Variants in BMERB1 observed in about 807,000 individuals in gnomAD.
BMERB1 encodes bMERB domain-containing protein 1.
In BMERB1, 12 loss-of-function variants were observed where a neutral mutation model predicts 23.6. The ratio of observed to expected loss-of-function variants is 0.51; its 90% CI spans 0.33 to 0.82. The LOEUF is 0.82. BMERB1 is among the 40% of genes least tolerant of loss of function. The pLI, the probability that BMERB1 is intolerant of heterozygous loss-of-function variation, is 0.03. For synonymous variants in BMERB1, 122 were observed against 96.6 expected (o/e 1.26, Z -1.54); for missense variants, 247 against 255.4 (o/e 0.97, Z 0.22).
chr16:15,501,642 T>A (rs1030948566), intron 1 of BMERB1, among the ~76,000 whole-genome samples: 1 of 152,176 alleles, frequency 6.6e-6, no homozygotes, highest in African/African-American at 2.4e-5. Flanking sequence ...ACCTGGCTAA[T>A]TTTTGTATTT....
chr16:15,502,283 A>T, intron 1 of BMERB1: 2 of 1,551,324 alleles, frequency 1.3e-6, no homozygotes, highest in Non-Finnish European at 1.7e-6. Flanking sequence ...CATAGCCAGG[A>T]TGTGAAGCCT....
chr16:15,447,218 T>C (rs567449414), intron 1 of BMERB1, among the ~76,000 whole-genome samples: 10 of 152,316 alleles, frequency 6.6e-5, no homozygotes, highest in African/African-American at 2.4e-4. Flanking sequence ...AAAAGAGATT[T>C]GATTGACTCA....
chr16:15,532,145 C>T (rs867645979), intron 2 of BMERB1, among the ~76,000 whole-genome samples: 2 of 152,302 alleles, frequency 1.3e-5, no homozygotes, highest in African/African-American at 4.8e-5. Flanking sequence ...CTAAACTCCT[C>T]GGGGATCTCA....
intron 1 of BMERB1, among the ~76,000 whole-genome samples, chr16:15,506,669 C>T (rs1487999202): frequency 2.0e-5 from 3 of 151,788 alleles, no homozygotes; most frequent in African/African-American, 7.3e-5. Context: ...ACCAGATTCT[C>T]TTCCTTACCC....
intron 2 of BMERB1, among the ~76,000 whole-genome samples, chr16:15,535,185 A>G (rs2150960907): frequency 6.6e-6 from 1 of 152,156 alleles, no homozygotes; most frequent in South Asian, 2.1e-4. Context: ...CCCCATCTCT[A>G]CAAAAAAACT....
chr16:15,487,267 A>G (rs1352792432), intron 1 of BMERB1, among the ~76,000 whole-genome samples: 1 of 152,210 alleles, frequency 6.6e-6, no homozygotes, highest in Non-Finnish European at 1.5e-5. Context: ...AATTCTTGCC[A>G]TCTTACCTAG....
At chr16:15,542,631 ATTTTTTTTTTTT>A (rs927255507) in intron 2 of BMERB1, among the ~76,000 whole-genome samples, 1 of 96,866 alleles carries the variant, frequency 1.0e-5, no homozygotes, top group African/African-American at 4.3e-5. Context: ...CCTCCTAGGG[ATTTTTTTTTTTT>A]TTTTTTTTTT....
intron 2 of BMERB1, among the ~76,000 whole-genome samples, chr16:15,542,631 ATTTTTTTTT>A (rs927255507): frequency 3.1e-5 from 3 of 96,866 alleles, no homozygotes; most frequent in African/African-American, 8.5e-5. Context: ...CCTCCTAGGG[ATTTTTTTTT>A]TTTTTTTTTT....
chr16:15,452,809 G>A (rs576987601), intron 1 of BMERB1, among the ~76,000 whole-genome samples: 6 of 152,246 alleles, frequency 3.9e-5, no homozygotes, highest in African/African-American at 1.4e-4. Flanking sequence ...CTAGGATCAA[G>A]ACCCAACCCT....
At chr16:15,541,844 C>T (rs1253727693) in intron 2 of BMERB1, among the ~76,000 whole-genome samples, 28 of 150,936 alleles carry the variant, frequency 1.9e-4, no homozygotes, top group East Asian at 1.2e-3. Context: ...CCTCATGATC[C>T]GCCCGCCTCG....
At chr16:15,469,369 A>T (rs1050414487) in intron 1 of BMERB1, among the ~76,000 whole-genome samples, 1 of 152,148 alleles carries the variant, frequency 6.6e-6, no homozygotes, top group East Asian at 1.9e-4. Flanking sequence ...CACCAGTAAC[A>T]CAGTAACACA....
intron 2 of BMERB1, among the ~76,000 whole-genome samples, chr16:15,543,045 G>A (rs2052101256): frequency 6.6e-6 from 1 of 152,170 alleles, no homozygotes; most frequent in African/African-American, 2.4e-5. Flanking sequence ...TGTCCAGGAA[G>A]AATCAGGTCA....
At chr16:15,578,312 C>A (rs995856973) in intron 3 of BMERB1, among the ~76,000 whole-genome samples, 1 of 151,360 alleles carries the variant, frequency 6.6e-6, no homozygotes, top group African/African-American at 2.4e-5. Flanking sequence ...GATCCTCCTG[C>A]TTCAGCCTCC....
At chr16:15,569,276 T>C (rs1036698986) in intron 3 of BMERB1, among the ~76,000 whole-genome samples, 2 of 152,060 alleles carry the variant, frequency 1.3e-5, no homozygotes, top group African/African-American at 4.8e-5. Flanking sequence ...TGGCTCACAG[T>C]CCTGCAGGCT....
intron 2 of BMERB1, among the ~76,000 whole-genome samples, chr16:15,533,734 G>T (rs768819665): frequency 7.2e-5 from 11 of 152,090 alleles, no homozygotes; most frequent in Non-Finnish European, 1.5e-4. Flanking sequence ...AGGACAGAGC[G>T]TCTGCCTCAA....
At chr16:15,453,087 A>C (rs2051055531) in intron 1 of BMERB1, among the ~76,000 whole-genome samples, 1 of 152,054 alleles carries the variant, frequency 6.6e-6, no homozygotes, top group South Asian at 2.1e-4. Context: ...CAGGAGAATC[A>C]CTTGAATCCG....
At chr16:15,460,933 G>C (rs1480532051) in intron 1 of BMERB1, among the ~76,000 whole-genome samples, 1 of 152,124 alleles carries the variant, frequency 6.6e-6, no homozygotes, top group Non-Finnish European at 1.5e-5. Flanking sequence ...AGACCAGCCT[G>C]GCCAATATGG....
chr16:15,508,828 CAA>C (rs1181215065), intron 1 of BMERB1, among the ~76,000 whole-genome samples: 16 of 56,040 alleles, frequency 2.9e-4, no homozygotes, highest in Non-Finnish European at 2.3e-4. Flanking sequence ...CCTGCCCCAC[CAA>C]AAAAAAAAAA....
At chr16:15,533,268 A>T (rs73499162) in intron 2 of BMERB1, 1 of 185,598 alleles carries the variant, frequency 5.4e-6, no homozygotes, top group African/African-American at 2.4e-5. Context: ...GGGGGAGATT[A>T]GAGGGTGGAA....
Sources: gnomAD v4.1 joint callset for allele counts (sites outside exome capture counted in the v4.1 genomes callset) on GRCh38, gnomAD v4.1.1 for gene constraint, MANE v1.5 for transcripts, NCBI Gene and HGNC (gene_info 2026-07-23, HGNC 2026-07-21) for gene names.